Variants in DPYSL2 observed in about 807,000 individuals in gnomAD.
DPYSL2 encodes dihydropyrimidinase-related protein 2.
DPYSL2 carries 13 observed loss-of-function variants against 69.9 expected under a neutral mutation model. The observed-to-expected ratio is 0.19, with a 90% confidence interval of 0.12 to 0.30. The LOEUF (loss-of-function observed/expected upper bound fraction) is 0.30, where lower values mean the gene tolerates loss of function less well. Ranked by LOEUF, DPYSL2 falls within the 10% of genes least tolerant of loss-of-function variation. The pLI is 1.00. For missense variants in DPYSL2, 587 were observed against 918.9 expected (o/e 0.64, Z 4.67); for synonymous variants, 326 against 359.1 (o/e 0.91, Z 1.04).
intron 1 of DPYSL2, among the ~76,000 whole-genome samples, chr8:26,546,939 A>G (rs1800781080): frequency 6.7e-6 from 1 of 149,886 alleles, no homozygotes; most frequent in East Asian, 2.0e-4. Flanking sequence ...AAAAAAAAAA[A>G]AAAAAAAAAA....
In DPYSL2 at chr8:26,598,380, T is replaced by A. The variant is rs1296996834; in HGVS notation, c.628+14397T>A. Among the ~76,000 whole-genome samples the A allele has an allele frequency of 6.6e-6, 1 of 152,234 alleles. No individual in the cohort carries two copies. The highest frequency in any genetic ancestry group is 2.4e-5 in the African/African-American group (1 of 41,470). On this transcript the variant is annotated intron_variant, in intron 3 of 13. Coordinates refer to ENST00000521913, the MANE Select transcript of DPYSL2 (RefSeq NM_001197293.3). The surrounding 1 kb of genome is among the most constrained non-coding windows in gnomAD (Gnocchi z 4.2). ...TGTTTTAGAGCTCCTCCTCTCCATC[T>A]CCTGAATTTCTTTTCTTGCTAAGCC... is the stretch of plus-strand genomic sequence containing the variant.
chr8:26,584,668 G>GGA (rs571881377), intron 3 of DPYSL2, among the ~76,000 whole-genome samples: 32 of 141,826 alleles, frequency 2.3e-4, no homozygotes, highest in African/African-American at 8.2e-4. Context: ...TGCCCAGGCT[G>GGA]GAGTGCAATG....
At chr8:26,559,686 T>C (rs983509958) in intron 1 of DPYSL2, among the ~76,000 whole-genome samples, 1 of 152,200 alleles carries the variant, frequency 6.6e-6, no homozygotes, top group Non-Finnish European at 1.5e-5. Flanking sequence ...AACTCGTAGG[T>C]TTCAAATATT....
chr8:26,515,990 G>A (rs1171633808), intron 1 of DPYSL2, among the ~76,000 whole-genome samples: 1 of 152,210 alleles, frequency 6.6e-6, no homozygotes, highest in Non-Finnish European at 1.5e-5. Flanking sequence ...TTCAGAATTG[G>A]TGATGATGGT....
chr8:26,628,007 C>T (rs1422343409), intron 7 of DPYSL2, 67 bp downstream of exon 7: 2 of 1,497,118 alleles, frequency 1.3e-6, no homozygotes, highest in East Asian at 4.8e-5. Flanking sequence ...CCTCAGGGAA[C>T]CTGCTTCCTG....
At chr8:26,572,659 C>G (rs1322437346) in intron 1 of DPYSL2, among the ~76,000 whole-genome samples, 1 of 152,102 alleles carries the variant, frequency 6.6e-6, no homozygotes, top group African/African-American at 2.4e-5. Flanking sequence ...CCTACCACGC[C>G]CAGCTAGTTT....
rs1802487430 is a variant in DPYSL2, at chr8:26,621,797, G to A, written c.629-2346G>A. On this transcript the variant is annotated intron_variant, in intron 3 of 13. Coordinates refer to ENST00000521913, the MANE Select transcript of DPYSL2 (RefSeq NM_001197293.3). The surrounding 1 kb of genome is among the most constrained non-coding windows in gnomAD (Gnocchi z 4.9). ...AAGAATGGCCGGGGTGGCCATTGTG[G>A]GTGAGCAGGTCAGGGATAAAGAGTA... Among the ~76,000 whole-genome samples the A allele has an allele frequency of 6.6e-6, 1 of 152,158 alleles. No homozygotes were observed. Among genetic ancestry groups the A allele is most frequent in the South Asian group, 2.1e-4 (1 of 4,828 alleles).
At position 26,653,907 on chromosome 8, in the gene DPYSL2, A is replaced by G. The variant is rs1677174770; in HGVS notation, c.1942+510A>G. On this transcript the variant is annotated intron_variant, in intron 13 of 13. Transcript: ENST00000521913. This position sits in a 1 kb window ranked among gnomAD's most constrained non-coding sequence, Gnocchi z 5.7. ...TAGTTAATGACTGGTTGGGTTTCAG[A>G]ATCTTGAGATCAGTTTGTGTCACAC... Among the ~76,000 whole-genome samples the G allele has an allele frequency of 6.6e-6, 1 of 152,150 alleles. No individual in the cohort carries two copies. Among genetic ancestry groups the G allele is most frequent in the Non-Finnish European group, 1.5e-5 (1 of 68,036 alleles).
At position 26,514,170 on chromosome 8, in the gene DPYSL2, C is replaced by T. The variant is rs539711055; in HGVS notation, c.-156C>T. 2.0e-4 allele frequency: 112 copies of T among 565,756 alleles called. No homozygotes were observed. In the African/African-American group the frequency reaches 2.1e-3, roughly 11 times the overall value. 35.0% of individuals were successfully genotyped at this position (565,756 alleles called of 1,614,324 possible). ...GGGAGGGACCGGGAGGGTGGGTCGC[C>T]GGCTCGCCAGCCCTCCTTCCTTTCT... On this transcript the variant is annotated 5_prime_UTR_variant, in exon 1 of 14. Transcript: ENST00000521913. The surrounding 1 kb of genome is among the most constrained non-coding windows in gnomAD (Gnocchi z 8.4).
At position 26,560,628 on chromosome 8, in the gene DPYSL2, C is replaced by T. The variant is rs767567264; in HGVS notation, c.355-21341C>T. ...GGTCTTGGTGATACCCAATATCTCACTTGAACCAGGTTCATCTCTATGCTT... is the reference window on the plus strand; with the variant it reads ...GGTCTTGGTGATACCCAATATCTCATTTGAACCAGGTTCATCTCTATGCTT... On this transcript the variant is annotated intron_variant, in intron 1 of 13. Coordinates refer to ENST00000521913, the MANE Select transcript of DPYSL2 (RefSeq NM_001197293.3). This position sits in a 1 kb window ranked among gnomAD's most constrained non-coding sequence, Gnocchi z 4.4. Among the ~76,000 whole-genome samples, 2 of 152,180 alleles carry T rather than the reference C, an allele frequency of 1.3e-5. No homozygotes were observed. The highest frequency in any genetic ancestry group is 2.9e-5 in the Non-Finnish European group (2 of 68,032).
intron 7 of DPYSL2, among the ~76,000 whole-genome samples, chr8:26,632,800 C>G (rs327217): frequency 0.083 from 12,582 of 152,290 alleles, 769 homozygotes; most frequent in Admixed American, 0.22. Context: ...CCACAGGCAT[C>G]TCTGCTGTAA....
Position 26,609,160 on chromosome 8 carries a change from G to A in DPYSL2, c.629-14983G>A, listed in dbSNP as rs946787771. On this transcript the variant is annotated intron_variant, in intron 3 of 13. Transcript: ENST00000521913. The surrounding 1 kb of genome is among the most constrained non-coding windows in gnomAD (Gnocchi z 6.5). ...TATTATGTATTGTCTGCCCATAAAT[G>A]ATGTCTTGAAATAGAGGGGTGAGCA... Among the ~76,000 whole-genome samples, 1 of 152,162 alleles carries A rather than the reference G, an allele frequency of 6.6e-6. No individual in the cohort carries two copies. Among genetic ancestry groups the A allele is most frequent in the Non-Finnish European group, 1.5e-5 (1 of 68,032 alleles).
chr8:26,625,024 C>T (rs778450183), intron 4 of DPYSL2, among the ~76,000 whole-genome samples: 5 of 152,118 alleles, frequency 3.3e-5, no homozygotes, highest in Admixed American at 6.5e-5. Context: ...ACACCTATTG[C>T]TTTAGGGTTC....
intron 7 of DPYSL2, among the ~76,000 whole-genome samples, chr8:26,634,428 C>CATTTT (rs564760766): frequency 1.1e-5 from 1 of 91,146 alleles, no homozygotes; most frequent in Non-Finnish European, 2.1e-5. Context: ...CCATGCCCAG[C>CATTTT]TTTTTTTTTT....
At chr8:26,551,793 A>C (rs528959094) in intron 1 of DPYSL2, among the ~76,000 whole-genome samples, 13 of 152,248 alleles carry the variant, frequency 8.5e-5, no homozygotes, top group Non-Finnish European at 1.5e-4. Context: ...AAAATCCCCA[A>C]ATATTTTAAG....
intron 1 of DPYSL2, among the ~76,000 whole-genome samples, chr8:26,529,263 T>C (rs1585490874): frequency 6.7e-6 from 1 of 149,130 alleles, no homozygotes; most frequent in Non-Finnish European, 1.5e-5. Flanking sequence ...TATCTATCTA[T>C]CTATCTATCT....
intron 3 of DPYSL2, among the ~76,000 whole-genome samples, chr8:26,616,527 G>T (rs1802351889): frequency 6.6e-6 from 1 of 152,202 alleles, no homozygotes; most frequent in African/African-American, 2.4e-5. Context: ...CACACACATT[G>T]AAAAGCAGGG....
In DPYSL2 at chr8:26,514,541, C is replaced by T. The variant is rs1244179716; in HGVS notation, c.216C>T (p.Ala72=). The T allele has an allele frequency of 2.6e-6, 4 of 1,529,278 alleles. No homozygotes were observed. The highest frequency in any genetic ancestry group is 1.2e-5 in the South Asian group (1 of 82,804). 94.7% of individuals were successfully genotyped at this position (1,529,278 alleles called of 1,614,324 possible). The change falls in exon 1 of 14, where the codon GCC becomes GCT. Residue 72 remains alanine, a synonymous_variant. Transcript: ENST00000521913. This position sits in a 1 kb window ranked among gnomAD's most constrained non-coding sequence, Gnocchi z 8.4. The stretch of plus-strand genomic sequence containing the variant: ...TGGTGGCTCAGCAGCGGGACGTCGC[C>T]CACTTGGGCCCGGACCCGCAGCCGC... ...GQVVAQQRDV[A]HLGPDPQPPY...
At chr8:26,616,218 A>G (rs1006647514) in intron 3 of DPYSL2, among the ~76,000 whole-genome samples, 1 of 152,130 alleles carries the variant, frequency 6.6e-6, no homozygotes, top group African/African-American at 2.4e-5. Context: ...GGTATCCCTT[A>G]AATTCTCAGG....
Sources: gnomAD v4.1 joint callset for allele counts (sites outside exome capture counted in the v4.1 genomes callset) on GRCh38, gnomAD v4.1.1 for gene constraint, Gnocchi (gnomAD v3.1) non-coding constraint, MANE v1.5 for transcripts, NCBI Gene and HGNC (gene_info 2026-07-23, HGNC 2026-07-21) for gene names.